Variants in WDR7 observed in about 807,000 individuals in gnomAD.
The protein encoded by WDR7 is WD repeat-containing protein 7.
A neutral mutation model predicts 169.4 loss-of-function variants in WDR7; 46 were observed. The observed-to-expected ratio is 0.27, with a 90% confidence interval of 0.21 to 0.35. The LOEUF (loss-of-function observed/expected upper bound fraction) is 0.35. Ranked by LOEUF, WDR7 falls within the 10% of genes least tolerant of loss-of-function variation. The probability of loss-of-function intolerance (pLI) is 1.00; values close to 1 mark genes in which losing one functional copy is unlikely to be tolerated. For synonymous variants in WDR7, 612 were observed against 666.8 expected, an observed-to-expected ratio of 0.92 and a Z score of 1.27; for missense variants, 1,534 against 1,859.3, an observed-to-expected ratio of 0.83 and a Z score of 3.22.
intron 17 of WDR7, among the ~76,000 whole-genome samples, chr18:56,778,219 T>C (rs1297787587): frequency 6.6e-6 from 1 of 152,168 alleles, no homozygotes; most frequent in Non-Finnish European, 1.5e-5. Flanking sequence ...GGCTTGTCAG[T>C]CTGTCTCTCT....
At chr18:56,949,156 T>C (rs113629225) in intron 25 of WDR7, among the ~76,000 whole-genome samples, 8 of 143,856 alleles carry the variant, frequency 5.6e-5, no homozygotes, top group Non-Finnish European at 7.9e-5. Context: ...CTCTCTCTCT[T>C]TCCCTTTGGC....
intron 27 of WDR7, among the ~76,000 whole-genome samples, chr18:57,022,834 A>G (rs2145944874): frequency 6.6e-6 from 1 of 152,296 alleles, no homozygotes; most frequent in Non-Finnish European, 1.5e-5. Flanking sequence ...TCCTCTCTGA[A>G]GCCTCCTGCT....
chr18:56,779,427 A>G lies in WDR7; in HGVS notation c.2948-4A>G, dbSNP rs972491238. 1.3e-6 allele frequency: 2 copies of G among 1,593,172 alleles called. No individual in the cohort carries two copies. The highest frequency in any genetic ancestry group is 3.5e-5 in the Admixed American group (2 of 56,618). On this transcript the variant is annotated splice_polypyrimidine_tract_variant and splice_region_variant and intron_variant, in intron 17 of 27. Transcript: ENST00000254442. ...GAATTTGTAATATATTACATTTTTG[A>G]CAGGTTGGAGTCAGTTAGCTGCTAT...
intron 27 of WDR7, among the ~76,000 whole-genome samples, chr18:57,024,836 GATA>G (rs2048342091): frequency 9.6e-6 from 1 of 104,204 alleles, no homozygotes; most frequent in African/African-American, 4.0e-5. Flanking sequence ...TGTGAGCTAT[GATA>G]GTTATGTCCC....
chr18:56,719,659 G>A (rs1485995548), intron 13 of WDR7, among the ~76,000 whole-genome samples: 2 of 151,438 alleles, frequency 1.3e-5, no homozygotes, highest in Non-Finnish European at 2.9e-5. Context: ...CTGCTGAATA[G>A]CAGTCTTGTG....
intron 20 of WDR7, among the ~76,000 whole-genome samples, chr18:56,866,316 GT>G (rs533284401): frequency 6.6e-6 from 1 of 150,712 alleles, no homozygotes; most frequent in Non-Finnish European, 1.5e-5. Flanking sequence ...TATGTTTTTT[GT>G]TTTTTTAAAT....
At chr18:56,813,561 T>G (rs548440602) in intron 19 of WDR7, among the ~76,000 whole-genome samples, 1 of 152,262 alleles carries the variant, frequency 6.6e-6, no homozygotes, top group African/African-American at 2.4e-5. Context: ...CTGTTAATAT[T>G]TTGGATCTTA....
intron 20 of WDR7, among the ~76,000 whole-genome samples, chr18:56,877,002 G>A (rs1391838508): frequency 1.3e-5 from 2 of 152,032 alleles, no homozygotes; most frequent in Admixed American, 6.6e-5. Flanking sequence ...GGGAAACATA[G>A]TGAAACCCTG....
At chr18:56,687,044 G>T in intron 7 of WDR7, 70 bp downstream of exon 7, 1 of 1,401,042 alleles carries the variant, frequency 7.1e-7, no homozygotes, top group South Asian at 1.3e-5. Context: ...GATTTCCAAA[G>T]AACCCTAAAG....
At chr18:56,698,596 ACT>A (rs2025756519) in intron 12 of WDR7, among the ~76,000 whole-genome samples, 1 of 147,022 alleles carries the variant, frequency 6.8e-6, no homozygotes, top group South Asian at 2.3e-4. Context: ...ACAGAGCAAG[ACT>A]CTGTCTCAAA....
At chr18:56,876,193 C>A (rs1467908876) in intron 20 of WDR7, among the ~76,000 whole-genome samples, 5 of 151,986 alleles carry the variant, frequency 3.3e-5, no homozygotes, top group Admixed American at 2.6e-4. Context: ...ATTCAGAGAG[C>A]CTTGCTGCTA....
At chr18:56,957,966 TG>T (rs780046399) in intron 25 of WDR7, among the ~76,000 whole-genome samples, 27 of 152,202 alleles carry the variant, frequency 1.8e-4, no homozygotes, top group Non-Finnish European at 3.5e-4. Flanking sequence ...TGCTGAGAGT[TG>T]CATGTTTTCT....
chr18:56,800,244 T>C (rs1183851142), intron 19 of WDR7, among the ~76,000 whole-genome samples: 3 of 152,208 alleles, frequency 2.0e-5, no homozygotes. Flanking sequence ...TGGTTAGATA[T>C]GAATAGTCTT....
At chr18:56,797,793 G>A (rs1484803460) in intron 19 of WDR7, among the ~76,000 whole-genome samples, 2 of 152,072 alleles carry the variant, frequency 1.3e-5, no homozygotes, top group Non-Finnish European at 2.9e-5. Flanking sequence ...GTAACATTAA[G>A]TCAGTTAAAC....
intron 1 of WDR7, among the ~76,000 whole-genome samples, chr18:56,663,629 ATATGCACAG>A (rs2024954598): frequency 2.8e-4 from 2 of 7,208 alleles, no homozygotes; most frequent in Admixed American, 7.5e-3. Flanking sequence ...TACACCACAT[ATATGCACAG>A]CATATATACA....
intron 26 of WDR7, among the ~76,000 whole-genome samples, chr18:56,974,793 T>G (rs1599210378): frequency 6.6e-6 from 1 of 152,086 alleles, no homozygotes; most frequent in African/African-American, 2.4e-5. Context: ...ACTACCTGGG[T>G]GGGCAAGGTA....
At position 56,665,385 on chromosome 18, in the gene WDR7, G is replaced by A. The variant is rs919828979; in HGVS notation, c.-19-7112G>A. On this transcript the variant is annotated intron_variant, in intron 1 of 27. Transcript: ENST00000254442. ...GTATTATAATGGAAAACACAATGAT[G>A]GGGCAAAAACAAACAAACAAACAAA... Among the ~76,000 whole-genome samples the A allele has an allele frequency of 4.1e-4, 9 of 21,736 alleles. No individual in the cohort carries two copies. The Admixed American group carries it at 5.7e-3, about 14-fold the overall frequency. The allele number at this position is 21,736 out of a possible 152,430, so 14.3% of individuals were successfully genotyped here.
intron 12 of WDR7, among the ~76,000 whole-genome samples, chr18:56,711,675 A>G (rs889716580): frequency 1.4e-4 from 22 of 152,230 alleles, no homozygotes; most frequent in African/African-American, 4.8e-4. Flanking sequence ...TTTCTAAAAC[A>G]TGTATTAAAT....
rs182324147 is a variant in WDR7 at position 56,870,452 on chromosome 18, T to C, written c.3305-9492T>C. On this transcript the variant is annotated intron_variant, in intron 20 of 27. Coordinates refer to ENST00000254442, the MANE Select transcript of WDR7 (RefSeq NM_015285.3). ...ATGTTTTAAAAAAATCTCAAAAGTG[T>C]AGTTCTAGCTTGCTTAGGTATCATG... Among the ~76,000 whole-genome samples, 36 of 152,308 alleles carry C rather than the reference T, an allele frequency of 2.4e-4. No individual in the cohort carries two copies. In the East Asian group the frequency reaches 6.0e-3, roughly 25 times the overall value.
Sources: allele counts gnomAD v4.1 joint callset (sites outside exome capture counted in the v4.1 genomes callset), GRCh38; gene constraint gnomAD v4.1.1; transcripts MANE v1.5; gene names NCBI Gene and HGNC (gene_info 2026-07-23, HGNC 2026-07-21).